Variants in CAPRIN1 observed in about 807,000 individuals in gnomAD.
CAPRIN1 encodes caprin-1.
A neutral mutation model predicts 100.9 loss-of-function variants in CAPRIN1; 29 were observed. The ratio of observed to expected loss-of-function variants is 0.29; its 90% CI spans 0.21 to 0.39. The LOEUF (loss-of-function observed/expected upper bound fraction) is 0.39. CAPRIN1 is among the 10% of genes least tolerant of loss of function. The probability of loss-of-function intolerance (pLI) is 1.00; values close to 1 mark genes in which losing one functional copy is unlikely to be tolerated. For missense variants in CAPRIN1, 795 were observed against 876.7 expected, an observed-to-expected ratio of 0.91 and a Z score of 1.18; for synonymous variants, 338 against 307.5, an observed-to-expected ratio of 1.10 and a Z score of -1.04.
intron 16 of CAPRIN1, 76 bp downstream of exon 16, chr11:34,096,749 A>T: frequency 1.7e-6 from 2 of 1,162,434 alleles, no homozygotes; most frequent in South Asian, 1.6e-5. Context: ...AATATATCAC[A>T]CAGTTTTTGG....
At chr11:34,053,916 A>G (rs940353057) in intron 2 of CAPRIN1, among the ~76,000 whole-genome samples, 1 of 152,234 alleles carries the variant, frequency 6.6e-6, no homozygotes, top group African/African-American at 2.4e-5. Flanking sequence ...TGAAGCCTTG[A>G]TAACTTCTAC....
In CAPRIN1 at chr11:34,099,526, T is replaced by A. The variant is rs892531711; in HGVS notation, c.*159T>A. 4 of 642,914 alleles carry A rather than the reference T, an allele frequency of 6.2e-6. No homozygotes were observed. Among genetic ancestry groups the A allele is most frequent in the Admixed American group, 5.1e-5 (2 of 39,114 alleles). The allele number at this position is 642,914 out of a possible 1,614,324, so 39.8% of individuals were successfully genotyped here. ...AAAGACAGGACTACAATTGTCAGCT[T>A]TCTATTACCTGGATATGGAAGGAAA... On this transcript the variant is annotated 3_prime_UTR_variant, in exon 19 of 19. Transcript: ENST00000341394.
chr11:34,069,509 AT>A lies in CAPRIN1; in HGVS notation c.217-2212del, dbSNP rs555835874. On this transcript the variant is annotated intron_variant, in intron 2 of 18. Coordinates refer to ENST00000341394, the MANE Select transcript of CAPRIN1 (RefSeq NM_005898.5). ...GCAAATAGAATTTTTTATTTTAAAA[AT>A]TTTTAGCTTCCCAAGCTTATGAGTC... Among the ~76,000 whole-genome samples the A allele has an allele frequency of 1.4e-4, 22 of 152,256 alleles. No individual in the cohort carries two copies. The East Asian group carries it at 4.1e-3, about 28-fold the overall frequency.
In CAPRIN1 at chr11:34,091,817, T is replaced by C. The variant is rs970663674; in HGVS notation, c.1555-89T>C. On this transcript the variant is annotated intron_variant, in intron 14 of 18. Coordinates refer to ENST00000341394, the MANE Select transcript of CAPRIN1 (RefSeq NM_005898.5). ...GAGACCTCTGTGATGTCTTTATTTA[T>C]GTCTGAGGTAAAACCACCATTGAGT... The C allele has an allele frequency of 4.3e-6, 5 of 1,171,612 alleles. No homozygotes were observed. The African/African-American group carries it at 7.7e-5, about 18-fold the overall frequency. The allele number at this position is 1,171,612 out of a possible 1,614,324, so 72.6% of individuals were successfully genotyped here. A position where few individuals can be genotyped will look rare whatever the true frequency, so the allele number is the denominator to read the frequency against.
chr11:34,052,292 C>T (rs1365163246), intron 1 of CAPRIN1, 129 bp from the exon 2 acceptor site: 37 of 775,022 alleles, frequency 4.8e-5, no homozygotes, highest in Admixed American at 1.6e-4. Context: ...CGCCGCGCCC[C>T]CTCCCCCACC....
At chr11:34,069,151 GTTT>G (rs759857309) in intron 2 of CAPRIN1, among the ~76,000 whole-genome samples, 1 of 132,810 alleles carries the variant, frequency 7.5e-6, no homozygotes, top group Non-Finnish European at 1.6e-5. Context: ...AACTTATTTA[GTTT>G]TTTTTTTTTT....
At chr11:34,068,680 A>G (rs1382018866) in intron 2 of CAPRIN1, among the ~76,000 whole-genome samples, 9 of 152,238 alleles carry the variant, frequency 5.9e-5, no homozygotes, top group Admixed American at 2.0e-4. Context: ...TATTGTTTTC[A>G]TTAAACAAAC....
chr11:34,085,841 G>A (rs1006188936), intron 9 of CAPRIN1, among the ~76,000 whole-genome samples: 1 of 152,040 alleles, frequency 6.6e-6, no homozygotes, highest in African/African-American at 2.4e-5. Flanking sequence ...AAATCAACAT[G>A]AAATGCTACA....
intron 18 of CAPRIN1, chr11:34,098,697 GGTTAT>G (rs1433348958): frequency 1.0e-6 from 1 of 985,214 alleles, no homozygotes; most frequent in Non-Finnish European, 1.2e-6. Flanking sequence ...TGTGAATGTG[GGTTAT>G]GTTCTTTCCC....
At chr11:34,099,160 T>C in intron 18 of CAPRIN1, 143 bp from the exon 19 acceptor site, 1 of 1,470,916 alleles carries the variant, frequency 6.8e-7, no homozygotes, top group Non-Finnish European at 9.0e-7. Flanking sequence ...CAGGGGAAAC[T>C]TGAACACTGA....
chr11:34,086,237 A>ACT lies in CAPRIN1; in HGVS notation c.1122+18_1122+19insCT. 6.2e-7 allele frequency: 1 copy of ACT among 1,612,690 alleles called. No homozygotes were observed. The highest frequency in any genetic ancestry group is 1.3e-5 in the African/African-American group (1 of 74,964). ...TCATACAGGTATGTTCATTTTAGTC[A>ACT]GACTCTGTAACAGAAAGTTTAAGTG... On this transcript the variant is annotated intron_variant, in intron 10 of 18. Coordinates refer to ENST00000341394, the MANE Select transcript of CAPRIN1 (RefSeq NM_005898.5).
chr11:34,079,548 A>G (rs1216790334), intron 6 of CAPRIN1, 80 bp from the exon 7 acceptor site: 1 of 1,171,898 alleles, frequency 8.5e-7, no homozygotes, highest in African/African-American at 1.5e-5. Flanking sequence ...TAATCACAAT[A>G]TTTTATAGAA....
At chr11:34,098,108 G>A in intron 18 of CAPRIN1, 4 of 1,013,678 alleles carry the variant, frequency 3.9e-6, no homozygotes, top group Non-Finnish European at 4.7e-6. Context: ...TTTGGAATGA[G>A]ATTGAACATT....
chr11:34,066,138 G>A (rs1850687464), intron 2 of CAPRIN1, among the ~76,000 whole-genome samples: 1 of 151,930 alleles, frequency 6.6e-6, no homozygotes, highest in East Asian at 1.9e-4. Context: ...ACCAGGCCCG[G>A]CTACTTTTTG....
At chr11:34,098,854 T>C in intron 18 of CAPRIN1, 1 of 987,634 alleles carries the variant, frequency 1.0e-6, no homozygotes, top group Non-Finnish European at 1.2e-6. Flanking sequence ...GTTTAGGTAA[T>C]AAGGTCTGTT....
chr11:34,079,607 A>G lies in CAPRIN1; in HGVS notation c.689-21A>G, dbSNP rs1412465114. 3 of 1,607,014 alleles carry G rather than the reference A, an allele frequency of 1.9e-6. No individual in the cohort carries two copies. In the Admixed American group the frequency reaches 5.0e-5, roughly 27 times the overall value. On this transcript the variant is annotated intron_variant, in intron 6 of 18. Coordinates refer to ENST00000341394, the MANE Select transcript of CAPRIN1 (RefSeq NM_005898.5). The stretch of plus-strand genomic sequence containing the variant: ...CATCCTCAGATAAGTCTTACATTAT[A>G]ATTCATGTTCTTTTTCTTAGATAAA...
intron 2 of CAPRIN1, among the ~76,000 whole-genome samples, chr11:34,060,316 TCTC>T (rs1285086111): frequency 1.2e-4 from 19 of 152,070 alleles, no homozygotes; most frequent in East Asian, 1.9e-4. Flanking sequence ...TTCATTGCAT[TCTC>T]CTCAATACTG....
At position 34,073,147 on chromosome 11, in the gene CAPRIN1, TTA is replaced by T. The variant is rs371032068; in HGVS notation, c.366+1164_366+1165del. ...TAATTTGCTGAAACAAAAAAGTTTATTATATGAGACAATGCAGTGTAGGGATT... is the reference window on the plus strand; with the variant it reads ...TAATTTGCTGAAACAAAAAAGTTTATTATGAGACAATGCAGTGTAGGGATT... On this transcript the variant is annotated intron_variant, in intron 4 of 18. Coordinates refer to ENST00000341394, the MANE Select transcript of CAPRIN1 (RefSeq NM_005898.5). Among the ~76,000 whole-genome samples the T allele has an allele frequency of 2.6e-3, 403 of 152,326 alleles. 4 individuals are homozygous for T. The highest frequency in any genetic ancestry group is 9.4e-3 in the African/African-American group (390 of 41,574).
rs10551006 is a variant in CAPRIN1, at chr11:34,064,954, G to GTTTTT, written c.217-6753_217-6749dup. Among the ~76,000 whole-genome samples the GTTTTT allele has an allele frequency of 5.1e-4, 32 of 63,126 alleles. 1 individual carries two copies. Among genetic ancestry groups the GTTTTT allele is most frequent in the African/African-American group, 1.8e-3 (30 of 16,328 alleles). The allele number at this position is 63,126 out of a possible 152,430, so 41.4% of individuals were successfully genotyped here. On this transcript the variant is annotated intron_variant, in intron 2 of 18. Transcript: ENST00000341394. ...TCCAAATTAAAGCTGCTGTATAATG[G>GTTTTT]TTTTTTTTTTTTTTTTTTTTTTTGA...
Sources: allele counts gnomAD v4.1 joint callset (sites outside exome capture counted in the v4.1 genomes callset), GRCh38; gene constraint gnomAD v4.1.1; transcripts MANE v1.5; gene names NCBI Gene and HGNC (gene_info 2026-07-23, HGNC 2026-07-21).